The following RBSN variants were observed in gnomAD, a reference collection of about 807,000 sequenced individuals.
RBSN encodes the protein rabenosyn, RAB effector.
Under a neutral mutation model 60.5 loss-of-function variants are expected in RBSN, and 34 were observed. The observed-to-expected ratio is 0.56, with a 90% CI of 0.43 to 0.75. The LOEUF is 0.75. Among genes scored for constraint, RBSN ranks in the 30% least tolerant of loss-of-function variants. RBSN has a pLI of 0.00. For synonymous variants in RBSN, 322 were observed against 366.9 expected (o/e 0.88, Z 1.40); for missense variants, 845 against 986.8 (o/e 0.86, Z 1.92).
chr3:15,079,936 C>T (rs1195970627), intron 10 of RBSN, among the ~76,000 whole-genome samples: 1 of 152,160 alleles, frequency 6.6e-6, no homozygotes, highest in East Asian at 1.9e-4. Context: ...TGAACTACAT[C>T]TCAATTTTAA....
At chr3:15,095,040 C>G (rs188377025) in intron 4 of RBSN, among the ~76,000 whole-genome samples, 66 of 150,854 alleles carry the variant, frequency 4.4e-4, no homozygotes, top group African/African-American at 1.2e-3. Context: ...GTGTGTGTGT[C>G]TCTCTCTCTG....
chr3:15,091,245 T>G, intron 4 of RBSN: 1 of 215,202 alleles, frequency 4.6e-6, no homozygotes, highest in Non-Finnish European at 6.9e-6. Context: ...AAATTAAAAC[T>G]ATACCTCAGT....
rs189440890 is a variant in RBSN, at chr3:15,079,061, C to A, written c.912-900G>T. 2.4e-3 allele frequency among the ~76,000 whole-genome samples: 365 copies of A among 152,056 alleles called. 1 individual carries two copies. Among genetic ancestry groups the A allele is most frequent in the African/African-American group, 8.2e-3 (340 of 41,472 alleles). ...CACTTTAACTTCTAGGTTACAAACA[C>A]TAAGCTTCAGAAAAAGCAACGATCT... On this transcript the variant is annotated intron_variant, in intron 10 of 13. Transcript: ENST00000253699.
intron 4 of RBSN, among the ~76,000 whole-genome samples, chr3:15,094,426 G>A (rs1322840181): frequency 3.3e-5 from 5 of 152,336 alleles, no homozygotes; most frequent in East Asian, 3.9e-4. Flanking sequence ...GAAGACCTAC[G>A]TTCCAGGCCT....
rs1176659526 is a variant in RBSN at position 15,073,802 on chromosome 3, G to T, written c.2335C>A (p.Gln779Lys). 1 of 1,605,522 alleles carries T rather than the reference G, an allele frequency of 6.2e-7. No homozygotes were observed. ...LRELKHTLAK[Q>K]KGGTD Reference sequence around the variant, plus strand: ...GCTGGTCAGTCAGTGCCCCCCTTCTGCTTGGCCAGGGTGTGCTTCAGCTCC... The same window carrying T: ...GCTGGTCAGTCAGTGCCCCCCTTCTTCTTGGCCAGGGTGTGCTTCAGCTCC... Residue 779 changes from glutamine to lysine, a missense_variant, in exon 14 of 14, where the codon CAG becomes AAG. Gln to Lys is a moderately conservative substitution (Grantham distance 53). Transcript: ENST00000253699.
chr3:15,083,843 C>T (rs2043268758), intron 8 of RBSN, among the ~76,000 whole-genome samples: 1 of 152,186 alleles, frequency 6.6e-6, no homozygotes, highest in Non-Finnish European at 1.5e-5. Flanking sequence ...CTCAAAGTCA[C>T]ACTTGCCACT....
chr3:15,091,643 G>T, intron 4 of RBSN: 1 of 419,916 alleles, frequency 2.4e-6, no homozygotes, highest in South Asian at 3.1e-5. Flanking sequence ...GCAGGTGATA[G>T]CCCTACTTAC....
Position 15,070,423 on chromosome 3 carries a change from C to T in RBSN, c.*3359G>A, listed in dbSNP as rs2042903798. On this transcript the variant is annotated 3_prime_UTR_variant, in exon 14 of 14. Transcript: ENST00000253699. Reference sequence around the variant, plus strand: ...AGCCAACTTCATCTGATGCCTGAATCCCTAAGTCTCTTCCATCTTTTCTCA... The same window carrying T: ...AGCCAACTTCATCTGATGCCTGAATTCCTAAGTCTCTTCCATCTTTTCTCA... 1 of 152,652 alleles carries T rather than the reference C, an allele frequency of 6.6e-6. No individual in the cohort carries two copies. Among genetic ancestry groups the T allele is most frequent in the Non-Finnish European group, 1.5e-5 (1 of 68,052 alleles). 9.5% of individuals were successfully genotyped at this position (152,652 alleles called of 1,614,324 possible).
In RBSN at chr3:15,082,404, T is replaced by A. The variant is rs1575094398; in HGVS notation, c.803A>T (p.Glu268Val). ...CACGATGTCAGGTGTGTGCTCCTTC[T>A]CATCAATCTGCTGCTCTCTCTTGAG... ...TLLKREQQID[E>V]KEHTPDIVKL... Residue 268 changes from glutamate to valine, a missense_variant, in exon 9 of 14, where the codon GAG becomes GTG. By Grantham distance (121) the Glu-to-Val change is moderately radical. Coordinates refer to ENST00000253699, the MANE Select transcript of RBSN (RefSeq NM_022340.4). This position sits in a 1 kb window ranked among gnomAD's most constrained non-coding sequence, Gnocchi z 4.2. The A allele has an allele frequency of 2.5e-6, 4 of 1,613,868 alleles. No individual in the cohort carries two copies. Among genetic ancestry groups the A allele is most frequent in the Non-Finnish European group, 3.4e-6 (4 of 1,179,792 alleles).
At chr3:15,083,738 T>C (rs1247064015) in intron 8 of RBSN, among the ~76,000 whole-genome samples, 1 of 152,078 alleles carries the variant, frequency 6.6e-6, no homozygotes, top group East Asian at 1.9e-4. Flanking sequence ...GCATCTCTCA[T>C]ATTATGATAT....
rs150517956 is a variant in RBSN at position 15,082,390 on chromosome 3, G to A, written c.817C>T (p.Pro273Ser). ...ACCTCGTAGAGCTTCACGATGTCAG[G>A]TGTGTGCTCCTTCTCATCAATCTGC... is the stretch of plus-strand genomic sequence containing the variant. Reference protein sequence around the residue: ...EQQIDEKEHTPDIVKLYEKLR... With the variant: ...EQQIDEKEHTSDIVKLYEKLR... The change falls in exon 9 of 14, where the codon CCT (proline) becomes TCT (serine). Residue 273 changes from proline to serine, a missense_variant. Pro to Ser is a moderately conservative substitution (Grantham distance 74). Coordinates refer to ENST00000253699, the MANE Select transcript of RBSN (RefSeq NM_022340.4). The surrounding 1 kb of genome is among the most constrained non-coding windows in gnomAD (Gnocchi z 4.2). 5 of 1,613,618 alleles carry A rather than the reference G, an allele frequency of 3.1e-6. No individual in the cohort carries two copies. The African/African-American group carries it at 4.0e-5, about 13-fold the overall frequency.
At position 15,090,607 on chromosome 3, in the gene RBSN, T is replaced by G; in HGVS notation, c.149-68A>C. 8 of 1,550,550 alleles carry G rather than the reference T, an allele frequency of 5.2e-6. No individual in the cohort carries two copies. The South Asian group carries it at 9.6e-5, about 19-fold the overall frequency. ...ACCCAGTAAACAGTCAAAAGAAATC[T>G]CAAAAAACAAGAGTTGACGAAATAA... On this transcript the variant is annotated intron_variant, in intron 4 of 13. Transcript: ENST00000253699.
At chr3:15,080,972 T>A in intron 9 of RBSN, 170 bp from the exon 10 acceptor site, 1 of 594,030 alleles carries the variant, frequency 1.7e-6, no homozygotes, top group Non-Finnish European at 3.0e-6. Context: ...GAAAATTTTG[T>A]AGGAAGGAAA....
chr3:15,078,147 G>T lies in RBSN; in HGVS notation c.926C>A (p.Thr309Asn). Reference protein sequence around the residue: ...MAASLNAGETTYSLEHASDLR... With the variant: ...MAASLNAGETNYSLEHASDLR... ...GTCACTGGCATGTTCCAGACTGTAG[G>T]TTGTCTCCCCAGCACTAAGGAGAAA... The change falls in exon 11 of 14, where the codon ACC (threonine) becomes AAC (asparagine). Residue 309 changes from threonine to asparagine, a missense_variant. By Grantham distance (65) the Thr-to-Asn change is moderately conservative. Coordinates refer to ENST00000253699, the MANE Select transcript of RBSN (RefSeq NM_022340.4). 1 of 1,614,134 alleles carries T rather than the reference G, an allele frequency of 6.2e-7. No individual in the cohort carries two copies. Among genetic ancestry groups the T allele is most frequent in the Non-Finnish European group, 8.5e-7 (1 of 1,180,016 alleles).
rs2042947501 is a variant in RBSN at position 15,072,626 on chromosome 3, T to G, written c.*1156A>C. 1 of 152,174 alleles carries G rather than the reference T, an allele frequency of 6.6e-6. No homozygotes were observed. The highest frequency in any genetic ancestry group is 6.5e-5 in the Admixed American group (1 of 15,274). The allele number at this position is 152,174 out of a possible 1,614,324, so 9.4% of individuals were successfully genotyped here. A position where few individuals can be genotyped will look rare whatever the true frequency, so the allele number is the denominator to read the frequency against. ...ACTTTGCCAAAGCTCTGGAGGGAGATTTCTCCAGTGACAGACAATTGTTCT... is the reference window on the plus strand; with the variant it reads ...ACTTTGCCAAAGCTCTGGAGGGAGAGTTCTCCAGTGACAGACAATTGTTCT... On this transcript the variant is annotated 3_prime_UTR_variant, in exon 14 of 14. Transcript: ENST00000253699.
In RBSN at chr3:15,074,331, C is replaced by A; in HGVS notation, c.1806G>T (p.Gly602=). ...AGCGCTCCTGGCCAACGGCTGGGGG[C>A]CCAGACCACACTCTGGTGGGTTGAG... ...SSTQPTRVWS[G]PPAVGQERLP... Residue 602 remains glycine, a synonymous_variant, in exon 14 of 14, where the codon GGG becomes GGT. Transcript: ENST00000253699. The surrounding 1 kb of genome is among the most constrained non-coding windows in gnomAD (Gnocchi z 6.4). The A allele has an allele frequency of 6.2e-7, 1 of 1,614,016 alleles. No individual in the cohort carries two copies. Among genetic ancestry groups the A allele is most frequent in the African/African-American group, 1.3e-5 (1 of 74,970 alleles).
rs772966657 is a variant in RBSN at position 15,082,539 on chromosome 3, A to C, written c.668T>G (p.Val223Gly). 5.5e-5 allele frequency: 89 copies of C among 1,613,888 alleles called. No homozygotes were observed. Among genetic ancestry groups the C allele is most frequent in the Non-Finnish European group, 2.6e-5 (31 of 1,179,996 alleles). Reference sequence around the variant, plus strand: ...GATGCTGCCTCGGCGGGAGCCATGGACACTGTTGGGTGACTGGCTGGGGCT... The same window carrying C: ...GATGCTGCCTCGGCGGGAGCCATGGCCACTGTTGGGTGACTGGCTGGGGCT... ...HTSPSQSPNS[V>G]HGSRRGSISS... The change falls in exon 9 of 14, where the codon GTC (valine) becomes GGC (glycine). Residue 223 changes from valine to glycine, a missense_variant. Coordinates refer to ENST00000253699, the MANE Select transcript of RBSN (RefSeq NM_022340.4). This position sits in a 1 kb window ranked among gnomAD's most constrained non-coding sequence, Gnocchi z 4.2.
chr3:15,093,421 TTTC>T (rs2043569244), intron 4 of RBSN, among the ~76,000 whole-genome samples: 1 of 152,220 alleles, frequency 6.6e-6, no homozygotes, highest in Non-Finnish European at 1.5e-5. Flanking sequence ...GGATCTTTTC[TTTC>T]TTTTTTTTGA....
chr3:15,073,599 A>G lies in RBSN; in HGVS notation c.*183T>C, dbSNP rs1332266073. The G allele has an allele frequency of 1.8e-6, 1 of 551,798 alleles. No homozygotes were observed. Among genetic ancestry groups the G allele is most frequent in the Non-Finnish European group, 3.1e-6 (1 of 320,234 alleles). The allele number at this position is 551,798 out of a possible 1,614,324, so 34.2% of individuals were successfully genotyped here. On this transcript the variant is annotated 3_prime_UTR_variant, in exon 14 of 14. Transcript: ENST00000253699. Reference sequence around the variant, plus strand: ...TTCTCCCTGTTCTAGTTTCTATTTTATTATTCAACTGTAGTGGAAATACCT... The same window carrying G: ...TTCTCCCTGTTCTAGTTTCTATTTTGTTATTCAACTGTAGTGGAAATACCT...
Sources: gnomAD v4.1 joint callset for allele counts (sites outside exome capture counted in the v4.1 genomes callset) on GRCh38, gnomAD v4.1.1 for gene constraint, Gnocchi (gnomAD v3.1) non-coding constraint, MANE v1.5 for transcripts, NCBI Gene and HGNC (gene_info 2026-07-23, HGNC 2026-07-21) for gene names.